The following ERG variants were observed in gnomAD, a reference collection of about 807,000 sequenced individuals.
ERG encodes transcriptional regulator ERG.
In ERG, 9 loss-of-function variants were observed where a neutral mutation model predicts 55.3. The ratio of observed to expected loss-of-function variants is 0.16; its 90% CI spans 0.10 to 0.28. The LOEUF is 0.28. Ranked by LOEUF, ERG falls within the 10% of genes least tolerant of loss-of-function variation. The pLI, the probability that ERG is intolerant of heterozygous loss-of-function variation, is 1.00. For missense variants in ERG, 434 were observed against 631.6 expected, an observed-to-expected ratio of 0.69 and a Z score of 3.35; for synonymous variants, 223 against 237.3, an observed-to-expected ratio of 0.94 and a Z score of 0.55.
At chr21:38,429,372 C>A (rs1990008262) in intron 2 of ERG, among the ~76,000 whole-genome samples, 2 of 99,146 alleles carry the variant, frequency 2.0e-5, no homozygotes, top group African/African-American at 6.1e-5. Flanking sequence ...AATATGTACA[C>A]ATATACATAT....
Position 38,380,231 on chromosome 21 carries a change from C to G in ERG, c.*3172G>C. ...CCCCATCACCTTCCCAGCTCCTGAG[C>G]TGTAGCCATCTCTGCTGCACCTGCT... On this transcript the variant is annotated 3_prime_UTR_variant, in exon 10 of 10. Transcript: ENST00000288319. The G allele has an allele frequency of 9.5e-7, 1 of 1,053,402 alleles. No individual in the cohort carries two copies. Among genetic ancestry groups the G allele is most frequent in the Non-Finnish European group, 1.1e-6 (1 of 871,836 alleles). The allele number at this position is 1,053,402 out of a possible 1,614,324, so 65.3% of individuals were successfully genotyped here.
At chr21:38,418,501 G>A (rs1412281668) in intron 3 of ERG, among the ~76,000 whole-genome samples, 3 of 152,122 alleles carry the variant, frequency 2.0e-5, no homozygotes, top group Admixed American at 1.3e-4. Flanking sequence ...GTCCAGGCTG[G>A]TCTTGAACTC....
intron 2 of ERG, among the ~76,000 whole-genome samples, chr21:38,425,224 AAAT>A (rs1989762601): frequency 6.6e-6 from 1 of 152,070 alleles, no homozygotes. Context: ...TCTTTACTAA[AAAT>A]ACAAAATTAG....
At chr21:38,390,462 A>G (rs1987920537) in intron 9 of ERG, among the ~76,000 whole-genome samples, 1 of 152,212 alleles carries the variant, frequency 6.6e-6, no homozygotes. Context: ...ATCCTAAATG[A>G]GGTAATCAAG....
downstream of ERG, among the ~76,000 whole-genome samples, chr21:38,378,148 T>A (rs1987291541): frequency 6.6e-6 from 1 of 152,230 alleles, no homozygotes; most frequent in South Asian, 2.1e-4. Context: ...AAACTGGCAC[T>A]GATCAAGAGT....
chr21:38,466,998 A>G (rs539190585), intron 1 of ERG, among the ~76,000 whole-genome samples: 2 of 152,230 alleles, frequency 1.3e-5, no homozygotes, highest in African/African-American at 4.8e-5. Context: ...CTTATTAGCT[A>G]CTCTTAAAGT....
chr21:38,407,646 T>TATATATATATATATATATATA lies in ERG; in HGVS notation c.389-3938_389-3937insTATATATATATATATATATAT, dbSNP rs34894423. Among the ~76,000 whole-genome samples, 812 of 142,538 alleles carry TATATATATATATATATATATA rather than the reference T, an allele frequency of 5.7e-3. 27 individuals are homozygous for TATATATATATATATATATATA. Among genetic ancestry groups the TATATATATATATATATATATA allele is most frequent in the African/African-American group, 0.019 (711 of 37,362 alleles). The allele number at this position is 142,538 out of a possible 152,430, so 93.5% of individuals were successfully genotyped here. A position where few individuals can be genotyped will look rare whatever the true frequency, so the allele number is the denominator to read the frequency against. ...GGTCTTACAAAAGGTATATATATAT[T>TATATATATATATATATATATA]TAATGTATATTATATGTATACTATA... On this transcript the variant is annotated intron_variant, in intron 3 of 9. Transcript: ENST00000288319.
the ERG span, among the ~76,000 whole-genome samples, chr21:38,372,943 C>G: frequency 1.3e-5 from 2 of 152,136 alleles, no homozygotes; most frequent in East Asian, 3.9e-4. Context: ...TTGACTCCAC[C>G]AAGAATTGGT....
At chr21:38,374,672 G>A in the ERG span, among the ~76,000 whole-genome samples, 2 of 152,072 alleles carry the variant, frequency 1.3e-5, no homozygotes, top group Admixed American at 1.3e-4. Context: ...CAGCCTGATT[G>A]AACCCCTACA....
At chr21:38,651,028 A>C (rs1406557251) in intron 1 of ERG, among the ~76,000 whole-genome samples, 1 of 152,260 alleles carries the variant, frequency 6.6e-6, no homozygotes, top group African/African-American at 2.4e-5. Flanking sequence ...TAAATAGAGG[A>C]TATTCAAATA....
chr21:38,623,935 T>C (rs746743527), intron 1 of ERG, among the ~76,000 whole-genome samples: 64 of 152,218 alleles, frequency 4.2e-4, no homozygotes, highest in Non-Finnish European at 7.4e-4. Flanking sequence ...GCTAATGTTT[T>C]ACAATAATTT....
At chr21:38,560,393 T>C (rs578145103) in intron 2 of ERG, among the ~76,000 whole-genome samples, 12 of 152,290 alleles carry the variant, frequency 7.9e-5, no homozygotes, top group Middle Eastern at 3.4e-3. Context: ...CAGACAGCCC[T>C]GAGCCAATCA....
chr21:38,580,320 A>AT (rs2060021276), intron 1 of ERG, among the ~76,000 whole-genome samples: 2 of 152,064 alleles, frequency 1.3e-5, no homozygotes, highest in South Asian at 4.1e-4. Context: ...TATTTTATGG[A>AT]TTTTTTAAAG....
intron 1 of ERG, among the ~76,000 whole-genome samples, chr21:38,638,135 C>T (rs557666973): frequency 2.6e-5 from 4 of 152,288 alleles, no homozygotes; most frequent in Admixed American, 6.5e-5. Context: ...GATCTGGGTG[C>T]GCCAGTCCGG....
chr21:38,604,385 ATAT>A (rs2060184449), intron 1 of ERG, among the ~76,000 whole-genome samples: 1 of 152,202 alleles, frequency 6.6e-6, no homozygotes, highest in African/African-American at 2.4e-5. Context: ...AAAATGTAAA[ATAT>A]TATGTACAGT....
chr21:38,566,354 G>A (rs1173859816), intron 2 of ERG, among the ~76,000 whole-genome samples: 3 of 152,138 alleles, frequency 2.0e-5, no homozygotes, highest in Non-Finnish European at 4.4e-5. Context: ...CCACAACAGT[G>A]GCCCCACACT....
chr21:38,449,293 C>T (rs2058919894), intron 1 of ERG, among the ~76,000 whole-genome samples: 1 of 152,122 alleles, frequency 6.6e-6, no homozygotes, highest in Admixed American at 6.5e-5. Flanking sequence ...TTGGGATATT[C>T]CCATCAGGCA....
chr21:38,641,562 C>T (rs2060425165), intron 1 of ERG, among the ~76,000 whole-genome samples: 1 of 152,142 alleles, frequency 6.6e-6, no homozygotes, highest in Non-Finnish European at 1.5e-5. Context: ...ATACGTCCCC[C>T]TTTGTTATGT....
At chr21:38,516,886 A>G (rs1306681501) in intron 2 of ERG, among the ~76,000 whole-genome samples, 1 of 152,158 alleles carries the variant, frequency 6.6e-6, no homozygotes, top group Non-Finnish European at 1.5e-5. Flanking sequence ...TCTTCAATAA[A>G]TGGTGCTGGA....
Sources: allele counts gnomAD v4.1 joint callset (sites outside exome capture counted in the v4.1 genomes callset), GRCh38; gene constraint gnomAD v4.1.1; transcripts MANE v1.5; gene names NCBI Gene and HGNC (gene_info 2026-07-23, HGNC 2026-07-21).